ADGRG6: variants seen among roughly 807,000 people sequenced by gnomAD.
ADGRG6 encodes the protein adhesion G protein-coupled receptor G6, also known as G-protein coupled receptor 126.
ADGRG6 carries 84 observed loss-of-function variants against 142.4 expected under a neutral mutation model. That is an observed-to-expected ratio of 0.59 (90% CI 0.49 to 0.71). The LOEUF (loss-of-function observed/expected upper bound fraction) is 0.71, where lower values mean the gene tolerates loss of function less well. Ranked by LOEUF, ADGRG6 falls within the 30% of genes least tolerant of loss-of-function variation. The pLI, the probability that ADGRG6 is intolerant of heterozygous loss-of-function variation, is 0.00. For synonymous variants in ADGRG6, 521 were observed against 520.5 expected, an observed-to-expected ratio of 1.00 and a Z score of -0.01; for missense variants, 1,367 against 1,466.6, an observed-to-expected ratio of 0.93 and a Z score of 1.11.
chr6:142,426,256 CT>C (rs372527828), intron 22 of ADGRG6, among the ~76,000 whole-genome samples: 57 of 152,338 alleles, frequency 3.7e-4, no homozygotes, highest in African/African-American at 1.3e-3. Context: ...AAGTTAATTA[CT>C]TCCTAGATAC....
At chr6:142,372,435 C>T (rs915653162) in intron 4 of ADGRG6, among the ~76,000 whole-genome samples, 1 of 152,176 alleles carries the variant, frequency 6.6e-6, no homozygotes, top group Non-Finnish European at 1.5e-5. Context: ...TGACTCAAGG[C>T]CACCTCCCAA....
chr6:142,420,179 G>A, intron 22 of ADGRG6, 75 bp downstream of exon 22: 2 of 1,132,674 alleles, frequency 1.8e-6, no homozygotes, highest in Non-Finnish European at 2.6e-6. Context: ...CTTTTGGACA[G>A]ATGCCATGTT....
At chr6:142,341,875 A>G (rs1159601015) in intron 2 of ADGRG6, among the ~76,000 whole-genome samples, 1 of 151,620 alleles carries the variant, frequency 6.6e-6, no homozygotes, top group Non-Finnish European at 1.5e-5. Flanking sequence ...AATGAATACC[A>G]AATTTTTAAA....
chr6:142,328,040 G>T (rs1390502750), intron 2 of ADGRG6, among the ~76,000 whole-genome samples: 2 of 151,920 alleles, frequency 1.3e-5, no homozygotes, highest in African/African-American at 4.8e-5. Context: ...ATACTTAAGT[G>T]CCAGCCCTAT....
chr6:142,331,209 A>G (rs574232233), intron 2 of ADGRG6, among the ~76,000 whole-genome samples: 1 of 151,656 alleles, frequency 6.6e-6, no homozygotes, highest in East Asian at 1.9e-4. Flanking sequence ...ACTAAGGTCT[A>G]ACCTTTGCCA....
intron 14 of ADGRG6, 189 bp from the exon 15 acceptor site, chr6:142,405,499 A>G: frequency 1.5e-6 from 1 of 675,566 alleles, no homozygotes. Flanking sequence ...TAAAACCCAA[A>G]TGAGATCTAC....
At chr6:142,379,517 C>T (rs1781656084) in intron 4 of ADGRG6, among the ~76,000 whole-genome samples, 1 of 152,166 alleles carries the variant, frequency 6.6e-6, no homozygotes. Context: ...CCTGTAATCC[C>T]AGCGCTTTGG....
At chr6:142,333,993 A>G (rs1779190826) in intron 2 of ADGRG6, among the ~76,000 whole-genome samples, 1 of 152,214 alleles carries the variant, frequency 6.6e-6, no homozygotes, top group South Asian at 2.1e-4. Flanking sequence ...CAGGGATGGT[A>G]TGTGGTGTAA....
chr6:142,383,660 C>T, intron 5 of ADGRG6, 100 bp from the exon 6 acceptor site: 1 of 657,614 alleles, frequency 1.5e-6, no homozygotes, highest in Non-Finnish European at 2.7e-6. Flanking sequence ...GGTTTCCATT[C>T]TTCCCCTATA....
At chr6:142,345,846 A>G (rs1204335310) in intron 2 of ADGRG6, among the ~76,000 whole-genome samples, 3 of 152,174 alleles carry the variant, frequency 2.0e-5, no homozygotes, top group African/African-American at 4.8e-5. Flanking sequence ...TTGTGGCAAA[A>G]TTGGTTTCTA....
intron 4 of ADGRG6, among the ~76,000 whole-genome samples, chr6:142,374,263 G>A (rs985646968): frequency 4.6e-5 from 7 of 152,122 alleles, no homozygotes; most frequent in African/African-American, 1.7e-4. Context: ...GATCTCCTCA[G>A]CCAGGGAAAA....
intron 4 of ADGRG6, among the ~76,000 whole-genome samples, chr6:142,375,803 G>A (rs898713195): frequency 6.6e-5 from 10 of 151,984 alleles, no homozygotes; most frequent in African/African-American, 1.7e-4. Flanking sequence ...ATTTTAGTAC[G>A]AAAGTAACAT....
chr6:142,380,490 G>T (rs1280522664), intron 4 of ADGRG6, among the ~76,000 whole-genome samples: 1 of 152,160 alleles, frequency 6.6e-6, no homozygotes, highest in Non-Finnish European at 1.5e-5. Context: ...ATTTTCCAAA[G>T]CCTTACAGCA....
At chr6:142,365,721 A>G (rs1310751148) in intron 2 of ADGRG6, among the ~76,000 whole-genome samples, 1 of 152,152 alleles carries the variant, frequency 6.6e-6, no homozygotes, top group Admixed American at 6.5e-5. Context: ...GTTAAAAAGA[A>G]TGGATGGAGA....
intron 4 of ADGRG6, among the ~76,000 whole-genome samples, chr6:142,380,839 G>A (rs1400867888): frequency 6.6e-6 from 1 of 152,154 alleles, no homozygotes; most frequent in Non-Finnish European, 1.5e-5. Context: ...TGAGAGCAGC[G>A]ACTTAGCTTA....
At chr6:142,309,057 A>G (rs953803409) in intron 1 of ADGRG6, among the ~76,000 whole-genome samples, 1 of 151,788 alleles carries the variant, frequency 6.6e-6, no homozygotes, top group African/African-American at 2.4e-5. Flanking sequence ...GGGATAGAAC[A>G]GAGTTTGGGC....
intron 21 of ADGRG6, among the ~76,000 whole-genome samples, chr6:142,418,646 A>T (rs1776495763): frequency 6.6e-6 from 1 of 152,144 alleles, no homozygotes; most frequent in African/African-American, 2.4e-5. Flanking sequence ...CTGCTATACC[A>T]TTAGGACATT....
intron 6 of ADGRG6, 34 bp from the exon 7 acceptor site, chr6:142,390,224 T>G (rs376655218): frequency 9.6e-7 from 1 of 1,046,978 alleles, no homozygotes; most frequent in Non-Finnish European, 1.4e-6. Context: ...TATAAACATA[T>G]AATTAATGGA....
At chr6:142,430,057 A>T (rs1042670407) in intron 22 of ADGRG6, among the ~76,000 whole-genome samples, 2 of 152,048 alleles carry the variant, frequency 1.3e-5, no homozygotes, top group African/African-American at 4.8e-5. Flanking sequence ...TCTCAGGGGA[A>T]AAAAAAGAAA....
Sources: allele counts gnomAD v4.1 joint callset (sites outside exome capture counted in the v4.1 genomes callset), GRCh38; gene constraint gnomAD v4.1.1; transcripts MANE v1.5; gene names NCBI Gene and HGNC (gene_info 2026-07-23, HGNC 2026-07-21).